Variants in SGCZ observed in about 807,000 individuals in gnomAD.
SGCZ encodes zeta-sarcoglycan.
Under a neutral mutation model 41.3 loss-of-function variants are expected in SGCZ, and 40 were observed. That is an observed-to-expected ratio of 0.97 (90% CI 0.75 to 1.26). The LOEUF (loss-of-function observed/expected upper bound fraction) is 1.26. Among genes scored for constraint, SGCZ ranks in the 50% most tolerant of loss-of-function variants. The probability of loss-of-function intolerance (pLI) is 0.00; values close to 1 mark genes in which losing one functional copy is unlikely to be tolerated. For synonymous variants in SGCZ, 206 were observed against 137.5 expected, an observed-to-expected ratio of 1.50 and a Z score of -3.49; for missense variants, 552 against 369.8, an observed-to-expected ratio of 1.49 and a Z score of -4.04.
At chr8:15,038,390 A>T (rs1803945339) in intron 1 of SGCZ, among the ~76,000 whole-genome samples, 1 of 152,124 alleles carries the variant, frequency 6.6e-6, no homozygotes, top group African/African-American at 2.4e-5. Context: ...TGTTGTGATG[A>T]CTGAAAATCC....
chr8:14,982,840 C>T (rs894642727), intron 1 of SGCZ, among the ~76,000 whole-genome samples: 2 of 152,198 alleles, frequency 1.3e-5, no homozygotes, highest in African/African-American at 4.8e-5. Context: ...CGTCCTACCA[C>T]TATAAGCAGC....
At chr8:14,637,983 C>A (rs544430541) in intron 1 of SGCZ, among the ~76,000 whole-genome samples, 1 of 151,856 alleles carries the variant, frequency 6.6e-6, no homozygotes, top group Admixed American at 6.6e-5. Flanking sequence ...ATCTGTTATC[C>A]TTTGACATTT....
chr8:14,301,851 T>C (rs911569600), intron 3 of SGCZ, among the ~76,000 whole-genome samples: 1 of 152,176 alleles, frequency 6.6e-6, no homozygotes, highest in Non-Finnish European at 1.5e-5. Context: ...TTTTAGAAAA[T>C]GGGGATTTTT....
chr8:14,141,826 A>G (rs991919333), intron 5 of SGCZ, among the ~76,000 whole-genome samples: 1 of 152,216 alleles, frequency 6.6e-6, no homozygotes, highest in Non-Finnish European at 1.5e-5. Context: ...GTATATACCC[A>G]AAAGATTATA....
At chr8:15,070,819 A>G (rs1805324830) in intron 1 of SGCZ, among the ~76,000 whole-genome samples, 1 of 152,228 alleles carries the variant, frequency 6.6e-6, no homozygotes, top group African/African-American at 2.4e-5. Flanking sequence ...TTTAGAGAAC[A>G]ACTTAGTAGC....
chr8:14,856,633 TTTA>T lies in SGCZ; in HGVS notation c.40-301710_40-301708del, dbSNP rs58851966. Among the ~76,000 whole-genome samples the T allele has an allele frequency of 2.5e-3, 382 of 152,170 alleles. 3 individuals are homozygous for T. The highest frequency in any genetic ancestry group is 8.7e-3 in the African/African-American group (360 of 41,526). On this transcript the variant is annotated intron_variant, in intron 1 of 7. Coordinates refer to ENST00000382080, the MANE Select transcript of SGCZ (RefSeq NM_139167.4). Reference sequence around the variant, plus strand: ...CCCCAAATAAAGACTGTGAAACCCATTTATTCCAGTTTCTACTGATTGTTCCAA... The same window carrying T: ...CCCCAAATAAAGACTGTGAAACCCATTTCCAGTTTCTACTGATTGTTCCAA...
At chr8:14,621,410 C>T (rs548241880) in intron 1 of SGCZ, among the ~76,000 whole-genome samples, 5 of 151,404 alleles carry the variant, frequency 3.3e-5, no homozygotes, top group Non-Finnish European at 7.4e-5. Flanking sequence ...ACGTTGTGCA[C>T]ATGTACCATA....
At chr8:14,237,947 G>T (rs187219729) in intron 3 of SGCZ, among the ~76,000 whole-genome samples, 26 of 152,274 alleles carry the variant, frequency 1.7e-4, no homozygotes, top group Admixed American at 2.6e-4. Context: ...CACATCAACG[G>T]TGTAGTAACC....
intron 3 of SGCZ, among the ~76,000 whole-genome samples, chr8:14,244,337 A>G (rs943008172): frequency 2.6e-5 from 4 of 151,924 alleles, no homozygotes; most frequent in Non-Finnish European, 5.9e-5. Flanking sequence ...GAAACAAGTC[A>G]TATCAAATTA....
Position 14,403,824 on chromosome 8 carries a change from G to A in SGCZ, c.235-79620C>T, listed in dbSNP as rs140784314. On this transcript the variant is annotated intron_variant, in intron 2 of 7. Coordinates refer to ENST00000382080, the MANE Select transcript of SGCZ (RefSeq NM_139167.4). ...TGTATGTTTAAATGCTGTGGTAACTGGAGATAAAACTCTGTTAAGGCTGTT... is the reference window on the plus strand; with the variant it reads ...TGTATGTTTAAATGCTGTGGTAACTAGAGATAAAACTCTGTTAAGGCTGTT... 3.9e-5 allele frequency among the ~76,000 whole-genome samples: 6 copies of A among 152,136 alleles called. No individual in the cohort carries two copies. In the East Asian group the frequency reaches 1.2e-3, roughly 29 times the overall value.
intron 3 of SGCZ, among the ~76,000 whole-genome samples, chr8:14,277,786 G>A (rs865904788): frequency 6.6e-6 from 1 of 152,004 alleles, no homozygotes; most frequent in Non-Finnish European, 1.5e-5. Flanking sequence ...AATGTTCTCT[G>A]GAATCTCCTT....
intron 1 of SGCZ, among the ~76,000 whole-genome samples, chr8:14,982,517 C>G (rs896716130): frequency 6.6e-6 from 1 of 152,176 alleles, no homozygotes; most frequent in Admixed American, 6.5e-5. Context: ...ACAGCTTTGA[C>G]TCCTCCCACG....
intron 1 of SGCZ, among the ~76,000 whole-genome samples, chr8:14,888,080 AAT>A (rs754109472): frequency 1.3e-5 from 2 of 152,148 alleles, no homozygotes; most frequent in Non-Finnish European, 2.9e-5. Context: ...GTGCCCCCTA[AAT>A]ATATATAATT....
chr8:14,749,721 T>A (rs946733553), intron 1 of SGCZ, among the ~76,000 whole-genome samples: 2 of 144,226 alleles, frequency 1.4e-5, no homozygotes, highest in African/African-American at 5.8e-5. Flanking sequence ...ATGCAGTAAG[T>A]TTTTTTTTAA....
chr8:14,651,084 G>A (rs12546155), intron 1 of SGCZ, among the ~76,000 whole-genome samples: 81,163 of 151,720 alleles, frequency 0.53, 23,757 homozygotes, highest in East Asian at 0.78. Flanking sequence ...TAGCAGCTAT[G>A]TATCAGTTCT....
intron 6 of SGCZ, among the ~76,000 whole-genome samples, chr8:14,102,856 T>TATATAACTTACTAGTATTA (rs1463472400): frequency 1.3e-5 from 2 of 152,180 alleles, no homozygotes; most frequent in Non-Finnish European, 2.9e-5. Flanking sequence ...AACTTACCAG[T>TATATAACTTACTAGTATTA]ATATAACTTA....
intron 2 of SGCZ, among the ~76,000 whole-genome samples, chr8:14,455,925 G>A (rs548935682): frequency 5.4e-4 from 82 of 152,218 alleles, no homozygotes; most frequent in South Asian, 1.2e-3. Flanking sequence ...TACATGAAAT[G>A]TTCAAATTAG....
intron 1 of SGCZ, among the ~76,000 whole-genome samples, chr8:14,900,273 G>T (rs528823850): frequency 6.6e-6 from 1 of 152,212 alleles, no homozygotes; most frequent in Admixed American, 6.5e-5. Flanking sequence ...AGTACTGTCA[G>T]AATGTAAAAT....
intron 1 of SGCZ, among the ~76,000 whole-genome samples, chr8:14,650,273 T>C (rs527534195): frequency 1.3e-5 from 2 of 152,084 alleles, no homozygotes; most frequent in South Asian, 4.1e-4. Flanking sequence ...CTCCCCACTC[T>C]TCATCTTTAC....
Sources: allele counts gnomAD v4.1 joint callset (sites outside exome capture counted in the v4.1 genomes callset), GRCh38; gene constraint gnomAD v4.1.1; transcripts MANE v1.5; gene names NCBI Gene and HGNC (gene_info 2026-07-23, HGNC 2026-07-21).